The following FAM117A variants were observed in gnomAD, a reference collection of about 807,000 sequenced individuals.
FAM117A encodes the protein family with sequence similarity 117 member A, also known as protein FAM117A.
FAM117A carries 21 observed loss-of-function variants against 44.1 expected under a neutral mutation model. That is an observed-to-expected ratio of 0.48 (90% CI 0.34 to 0.69). The LOEUF (loss-of-function observed/expected upper bound fraction) is 0.69. Among genes scored for constraint, FAM117A ranks in the 30% least tolerant of loss-of-function variants. The probability of loss-of-function intolerance (pLI) is 0.01; values close to 1 mark genes in which losing one functional copy is unlikely to be tolerated. For synonymous variants in FAM117A, 220 were observed against 238.3 expected, an observed-to-expected ratio of 0.92 and a Z score of 0.71; for missense variants, 498 against 589.9, an observed-to-expected ratio of 0.84 and a Z score of 1.61.
At chr17:49,755,173 T>A (rs941562264) in intron 1 of FAM117A, among the ~76,000 whole-genome samples, 2 of 151,950 alleles carry the variant, frequency 1.3e-5, no homozygotes, top group African/African-American at 4.8e-5. Context: ...AACAAGCATC[T>A]CTTTCTTGCA....
chr17:49,782,194 T>C (rs1446692959), intron 1 of FAM117A, among the ~76,000 whole-genome samples: 1 of 150,968 alleles, frequency 6.6e-6, no homozygotes, highest in Non-Finnish European at 1.5e-5. Context: ...GCTAACACAA[T>C]GAAACCCCGT....
intron 4 of FAM117A, 139 bp from the exon 5 acceptor site, chr17:49,720,033 C>G (rs1395029098): frequency 2.5e-6 from 3 of 1,220,442 alleles, no homozygotes; most frequent in Admixed American, 6.0e-5. Context: ...TTACAGATTG[C>G]AATAGGTCCA....
chr17:49,781,063 A>G (rs1441460647), intron 1 of FAM117A, among the ~76,000 whole-genome samples: 1 of 150,786 alleles, frequency 6.6e-6, no homozygotes, highest in African/African-American at 2.4e-5. Flanking sequence ...ACTCTACCCA[A>G]CCTTGGCCTC....
At chr17:49,757,198 C>A (rs1339655701) in intron 1 of FAM117A, among the ~76,000 whole-genome samples, 1 of 151,982 alleles carries the variant, frequency 6.6e-6, no homozygotes, top group Non-Finnish European at 1.5e-5. Context: ...TCCTCCACCC[C>A]CCCAGCAACT....
At chr17:49,761,439 T>G (rs983304603) in intron 1 of FAM117A, among the ~76,000 whole-genome samples, 8 of 152,238 alleles carry the variant, frequency 5.3e-5, no homozygotes, top group African/African-American at 1.9e-4. Flanking sequence ...AACACTTTTA[T>G]AGCACTTCTC....
intron 1 of FAM117A, among the ~76,000 whole-genome samples, chr17:49,733,899 T>G (rs2073597964): frequency 6.6e-6 from 1 of 152,046 alleles, no homozygotes; most frequent in Non-Finnish European, 1.5e-5. Context: ...CCCCAGCACT[T>G]TGGGAGGTCG....
At chr17:49,738,079 C>G (rs2073618412) in intron 1 of FAM117A, among the ~76,000 whole-genome samples, 1 of 152,138 alleles carries the variant, frequency 6.6e-6, no homozygotes, top group Admixed American at 6.5e-5. Flanking sequence ...TTGAGGAAGC[C>G]TTTGAAACTT....
chr17:49,788,942 C>A, upstream of FAM117A: 1 of 1,196,710 alleles, frequency 8.4e-7, no homozygotes, highest in Non-Finnish European at 1.1e-6. Flanking sequence ...GCTTGGGTCC[C>A]AACTTTCCGC....
At chr17:49,721,197 CT>C (rs2073532589) in intron 3 of FAM117A, among the ~76,000 whole-genome samples, 2 of 152,206 alleles carry the variant, frequency 1.3e-5, no homozygotes, top group Non-Finnish European at 2.9e-5. Context: ...TTCATCTTGA[CT>C]TTCATATCCT....
At chr17:49,766,588 T>C (rs144862398), upstream of FAM117A, among the ~76,000 whole-genome samples, 247 of 152,350 alleles carry the variant, frequency 1.6e-3, no homozygotes, top group African/African-American at 5.6e-3. Context: ...GGTAGACTAG[T>C]TGGTCTTTTG....
intron 1 of FAM117A, among the ~76,000 whole-genome samples, chr17:49,735,929 AT>A (rs2073608437): frequency 6.6e-6 from 1 of 152,230 alleles, no homozygotes; most frequent in Non-Finnish European, 1.5e-5. Flanking sequence ...CAAGTGAATA[AT>A]TTATAACTAC....
chr17:49,736,711 G>A (rs1373915472), intron 1 of FAM117A, among the ~76,000 whole-genome samples: 1 of 152,104 alleles, frequency 6.6e-6, no homozygotes, highest in Non-Finnish European at 1.5e-5. Flanking sequence ...TTTTGCATGG[G>A]CCCAGGGTTA....
At chr17:49,733,404 G>A (rs1341547048) in intron 1 of FAM117A, among the ~76,000 whole-genome samples, 3 of 152,182 alleles carry the variant, frequency 2.0e-5, no homozygotes, top group Non-Finnish European at 2.9e-5. Flanking sequence ...TAGGCCGGGT[G>A]GTGGTGGCTC....
chr17:49,751,425 C>A (rs1019090297), intron 1 of FAM117A, among the ~76,000 whole-genome samples: 1 of 151,544 alleles, frequency 6.6e-6, no homozygotes. Context: ...CTAAGAAATA[C>A]AAAAATTAGC....
intron 1 of FAM117A, among the ~76,000 whole-genome samples, chr17:49,782,784 T>A (rs562956107): frequency 6.6e-6 from 1 of 152,004 alleles, no homozygotes; most frequent in South Asian, 2.1e-4. Flanking sequence ...TATTACACTG[T>A]GTTAATCATT....
intron 1 of FAM117A, among the ~76,000 whole-genome samples, chr17:49,737,580 C>T (rs968343302): frequency 5.3e-5 from 8 of 152,210 alleles, no homozygotes; most frequent in Admixed American, 1.3e-4. Context: ...GGAGCTGCTT[C>T]TCCCATGCCC....
In FAM117A at chr17:49,763,932, C is replaced by T; in HGVS notation, c.156G>A (p.Leu52=). Residue 52 remains leucine, a synonymous_variant, in exon 1 of 8, where the codon CTG becomes CTA. Transcript: ENST00000240364. ...CGTCCCGGCGCTGGTGCGGCTGCTGCAGCTGGAAGGGGATCGTGGCCCTGA... is the reference window on the plus strand; with the variant it reads ...CGTCCCGGCGCTGGTGCGGCTGCTGTAGCTGGAAGGGGATCGTGGCCCTGA... The part of the protein sequence containing the change: ...QPLRATIPFQ[L]QQPHQRRDGG... 8.1e-7 allele frequency: 1 copy of T among 1,236,834 alleles called. No individual in the cohort carries two copies. The highest frequency in any genetic ancestry group is 1.0e-6 in the Non-Finnish European group (1 of 991,524). The allele number at this position is 1,236,834 out of a possible 1,614,324, so 76.6% of individuals were successfully genotyped here.
At chr17:49,734,320 C>T (rs1252663652) in intron 1 of FAM117A, among the ~76,000 whole-genome samples, 2 of 151,194 alleles carry the variant, frequency 1.3e-5, no homozygotes, top group Non-Finnish European at 3.0e-5. Flanking sequence ...GGGCCGGGCG[C>T]AGTGGCTCAC....
chr17:49,761,635 A>C (rs1316700128), intron 1 of FAM117A, among the ~76,000 whole-genome samples: 1 of 152,178 alleles, frequency 6.6e-6, no homozygotes, highest in Non-Finnish European at 1.5e-5. Context: ...CAATCTCTTA[A>C]AGGTTTATGA....
Sources: allele counts gnomAD v4.1 joint callset (sites outside exome capture counted in the v4.1 genomes callset), GRCh38; gene constraint gnomAD v4.1.1; transcripts MANE v1.5; gene names NCBI Gene and HGNC (gene_info 2026-07-23, HGNC 2026-07-21).